ADAM32: variants seen among roughly 807,000 people sequenced by gnomAD.
ADAM32 encodes the protein disintegrin and metalloproteinase domain-containing protein 32.
A neutral mutation model predicts 114.9 loss-of-function variants in ADAM32; 89 were observed. The ratio of observed to expected loss-of-function variants is 0.77; its 90% CI spans 0.65 to 0.92. The LOEUF (loss-of-function observed/expected upper bound fraction) is 0.92, where lower values mean the gene tolerates loss of function less well. ADAM32 is among the 40% of genes least tolerant of loss of function. The probability of loss-of-function intolerance (pLI) is 0.00; values close to 1 mark genes in which losing one functional copy is unlikely to be tolerated. For missense variants in ADAM32, 870 were observed against 932.8 expected (o/e 0.93, Z 0.88); for synonymous variants, 285 against 307.5 (o/e 0.93, Z 0.77).
intron 10 of ADAM32, among the ~76,000 whole-genome samples, chr8:39,173,759 T>C (rs939775978): frequency 1.3e-5 from 2 of 152,178 alleles, no homozygotes; most frequent in African/African-American, 4.8e-5. Context: ...CTGAATGACG[T>C]TGCCTAGATT....
intron 10 of ADAM32, among the ~76,000 whole-genome samples, chr8:39,183,892 G>A (rs1311896909): frequency 1.3e-5 from 2 of 152,208 alleles, no homozygotes; most frequent in Admixed American, 6.5e-5. Flanking sequence ...CAGGAATGTC[G>A]TGCTTCAGAA....
At chr8:39,275,898 A>G (rs1813044571) in intron 22 of ADAM32, 32 bp downstream of exon 22, 2 of 1,519,254 alleles carry the variant, frequency 1.3e-6, no homozygotes, top group Admixed American at 2.1e-5. Context: ...TTTTTTATAT[A>G]ATAAGTATAT....
intron 16 of ADAM32, among the ~76,000 whole-genome samples, chr8:39,243,560 C>G (rs762737605): frequency 6.6e-6 from 1 of 152,062 alleles, no homozygotes. Flanking sequence ...ACAGAAAAAG[C>G]ATTTGACAAA....
chr8:39,222,918 A>T, intron 13 of ADAM32, 122 bp from the exon 14 acceptor site: 1 of 675,906 alleles, frequency 1.5e-6, no homozygotes, highest in Middle Eastern at 4.1e-4. Context: ...TGTACAAAAA[A>T]GTATTAATAT....
At chr8:39,225,819 G>T (rs770127335) in intron 14 of ADAM32, among the ~76,000 whole-genome samples, 2 of 151,666 alleles carry the variant, frequency 1.3e-5, no homozygotes, top group Non-Finnish European at 1.5e-5. Context: ...AAAGCATTCT[G>T]TAAAGTTTCA....
At chr8:39,152,543 G>A (rs1213061135) in intron 6 of ADAM32, among the ~76,000 whole-genome samples, 1 of 151,692 alleles carries the variant, frequency 6.6e-6, no homozygotes, top group East Asian at 1.9e-4. Context: ...CCAACATGGT[G>A]AAACCCCGTC....
In ADAM32 at chr8:39,184,396, G is replaced by A. The variant is rs921034689; in HGVS notation, c.916-2513G>A. Among the ~76,000 whole-genome samples the A allele has an allele frequency of 2.0e-5, 3 of 152,180 alleles. No homozygotes were observed. The East Asian group carries it at 5.8e-4, about 29-fold the overall frequency. ...ATTTCTATTCCAGCCATAATTCTGGGATTTGGAAAATAATAGTAGGACATA... is the reference window on the plus strand; with the variant it reads ...ATTTCTATTCCAGCCATAATTCTGGAATTTGGAAAATAATAGTAGGACATA... On this transcript the variant is annotated intron_variant, in intron 10 of 24. Transcript: ENST00000379907.
intron 12 of ADAM32, among the ~76,000 whole-genome samples, chr8:39,212,707 C>T (rs533517584): frequency 6.6e-6 from 1 of 151,980 alleles, no homozygotes; most frequent in Non-Finnish European, 1.5e-5. Context: ...CTGTTTTAAC[C>T]ATTCACCTGC....
intron 3 of ADAM32, among the ~76,000 whole-genome samples, chr8:39,144,187 C>T (rs940454707): frequency 1.3e-5 from 2 of 152,164 alleles, no homozygotes; most frequent in East Asian, 1.9e-4. Flanking sequence ...CCGGGTGAGA[C>T]AACACCCTGT....
intron 19 of ADAM32, among the ~76,000 whole-genome samples, chr8:39,264,742 G>GTTA (rs1368179524): frequency 6.6e-6 from 1 of 152,148 alleles, no homozygotes; most frequent in East Asian, 1.9e-4. Flanking sequence ...TTTCTGTTAT[G>GTTA]TTATATGTTT....
At chr8:39,197,068 G>A (rs976093871) in intron 11 of ADAM32, among the ~76,000 whole-genome samples, 1 of 151,980 alleles carries the variant, frequency 6.6e-6, no homozygotes. Flanking sequence ...TTCAATCTTG[G>A]CAGGTTGTAT....
intron 11 of ADAM32, among the ~76,000 whole-genome samples, chr8:39,193,713 G>C (rs1806750980): frequency 6.6e-6 from 1 of 152,066 alleles, no homozygotes; most frequent in Non-Finnish European, 1.5e-5. Context: ...TTTGATTTTG[G>C]TATCAGGTGG....
intron 12 of ADAM32, among the ~76,000 whole-genome samples, chr8:39,216,681 A>T (rs978698537): frequency 1.3e-5 from 2 of 152,050 alleles, no homozygotes; most frequent in Admixed American, 1.3e-4. Flanking sequence ...TTTTAAGCTG[A>T]TAGCAATTTA....
chr8:39,137,962 G>T (rs1302957068), intron 3 of ADAM32, among the ~76,000 whole-genome samples: 1 of 152,174 alleles, frequency 6.6e-6, no homozygotes, highest in African/African-American at 2.4e-5. Context: ...ATCTTACTAA[G>T]ACTATAAGCA....
intron 22 of ADAM32, among the ~76,000 whole-genome samples, chr8:39,277,276 A>G (rs1204894876): frequency 2.6e-5 from 4 of 152,210 alleles, no homozygotes; most frequent in Non-Finnish European, 4.4e-5. Flanking sequence ...TTAATTTGCA[A>G]TGTTAAACCA....
chr8:39,172,813 G>A (rs1805280332), intron 10 of ADAM32, among the ~76,000 whole-genome samples: 1 of 152,196 alleles, frequency 6.6e-6, no homozygotes, highest in Admixed American at 6.5e-5. Flanking sequence ...ACAGGTGCAT[G>A]TGTCTTTATA....
At chr8:39,176,426 G>T (rs1011899707) in intron 10 of ADAM32, among the ~76,000 whole-genome samples, 8 of 151,962 alleles carry the variant, frequency 5.3e-5, no homozygotes, top group African/African-American at 1.9e-4. Context: ...TTGATATCTG[G>T]CTTAATTTCA....
intron 11 of ADAM32, among the ~76,000 whole-genome samples, chr8:39,206,327 G>C (rs929417728): frequency 2.6e-5 from 4 of 152,180 alleles, no homozygotes; most frequent in African/African-American, 9.6e-5. Context: ...CACCAGTGAT[G>C]GTGGTTTTGA....
chr8:39,227,039 G>A (rs745829179), intron 14 of ADAM32, among the ~76,000 whole-genome samples: 6 of 152,184 alleles, frequency 3.9e-5, no homozygotes, highest in Admixed American at 1.3e-4. Context: ...AGCTCCGGAA[G>A]GGACAGGGTG....
Sources: allele counts gnomAD v4.1 joint callset (sites outside exome capture counted in the v4.1 genomes callset), GRCh38; gene constraint gnomAD v4.1.1; transcripts MANE v1.5; gene names NCBI Gene and HGNC (gene_info 2026-07-23, HGNC 2026-07-21).